Variants in SAMMSON observed in about 807,000 individuals in gnomAD.
The protein encoded by SAMMSON is long intergenic non-protein coding RNA 1212.
At chr3:70,030,899 A>G (rs949568639) in intron 3 of SAMMSON, among the ~76,000 whole-genome samples, 2 of 152,198 alleles carry the variant, frequency 1.3e-5, no homozygotes, top group Admixed American at 6.5e-5. Flanking sequence ...GAAAATAACA[A>G]TTGTTGGCAA....
chr3:70,072,646 G>GAAAAAAAAAAAAAAAAAAAAAA (rs35807309), intron 4 of SAMMSON: 4 of 87,690 alleles, frequency 4.6e-5, no homozygotes, highest in Non-Finnish European at 6.8e-5. Flanking sequence ...AACAGCAAAG[G>GAAAAAAAAAAAAAAAAAAAAAA]AAAAAAAAAA....
intron 2 of SAMMSON, among the ~76,000 whole-genome samples, chr3:70,400,285 G>T (rs1000998439): frequency 2.0e-5 from 3 of 152,134 alleles, no homozygotes. Context: ...AGAAGATGGG[G>T]CCTAGTGGGA....
intron 3 of SAMMSON, among the ~76,000 whole-genome samples, chr3:70,044,748 C>T (rs2107587423): frequency 6.6e-6 from 1 of 150,578 alleles, no homozygotes; most frequent in East Asian, 2.0e-4. Flanking sequence ...GATATACTTA[C>T]AATATATATT....
Position 70,206,477 on chromosome 3 carries a change from CT to C in SAMMSON, n.508-42621del, listed in dbSNP as rs994240384. On this transcript the variant is annotated intron_variant and non_coding_transcript_variant, in intron 4 of 9. Coordinates refer to ENST00000642114, the Ensembl canonical transcript of SAMMSON. ...TCTTCGTGTTTAATATTCATAAGGA[CT>C]TTTTTTTTCCTAACAGCATATGTGA... The C allele has an allele frequency of 1.8e-4, 72 of 392,518 alleles. No individual in the cohort carries two copies. The Admixed American group carries it at 1.9e-3, about 10-fold the overall frequency. 24.3% of individuals were successfully genotyped at this position (392,518 alleles called of 1,614,324 possible).
At chr3:70,099,998 C>G (rs2067336554) in intron 4 of SAMMSON, among the ~76,000 whole-genome samples, 1 of 152,166 alleles carries the variant, frequency 6.6e-6, no homozygotes, top group Non-Finnish European at 1.5e-5. Flanking sequence ...TTTGGTGAAG[C>G]CTTCCTGAAT....
At chr3:70,099,418 C>T (rs1411872809) in intron 4 of SAMMSON, among the ~76,000 whole-genome samples, 1 of 152,074 alleles carries the variant, frequency 6.6e-6, no homozygotes, top group Non-Finnish European at 1.5e-5. Flanking sequence ...TTAAATGACA[C>T]TTCATTGTGT....
chr3:70,040,083 G>T (rs1353830435), intron 3 of SAMMSON, among the ~76,000 whole-genome samples: 1 of 152,044 alleles, frequency 6.6e-6, no homozygotes. Flanking sequence ...TGAAATTCCA[G>T]CTCCCTACTT....
rs1702704320 is a variant in SAMMSON, at chr3:70,340,562, C to T, written n.740-13613C>T. ...AATATGATTTATGCTGTATGCCTGC[C>T]TTCCTTCAGGGAACATGGGATTTTA... On this transcript the variant is annotated intron_variant and non_coding_transcript_variant, in intron 7 of 9. Transcript: ENST00000642114. 2.0e-5 allele frequency among the ~76,000 whole-genome samples: 3 copies of T among 152,018 alleles called. No individual in the cohort carries two copies. In the South Asian group the frequency reaches 6.2e-4, roughly 32 times the overall value.
chr3:70,239,291 A>C (rs1701642428), intron 4 of SAMMSON, among the ~76,000 whole-genome samples: 2 of 142,128 alleles, frequency 1.4e-5, no homozygotes, highest in African/African-American at 5.0e-5. Flanking sequence ...AATGGTTTTC[A>C]CAGTTTCTTT....
At chr3:70,150,147 A>G (rs753460837) in intron 4 of SAMMSON, among the ~76,000 whole-genome samples, 1 of 152,066 alleles carries the variant, frequency 6.6e-6, no homozygotes, top group Non-Finnish European at 1.5e-5. Context: ...TTTCGAACCA[A>G]AAGTATGTCT....
chr3:70,168,532 A>G (rs2067647065), intron 4 of SAMMSON, among the ~76,000 whole-genome samples: 1 of 152,022 alleles, frequency 6.6e-6, no homozygotes, highest in African/African-American at 2.4e-5. Flanking sequence ...AGCAGCAGAA[A>G]AGGTTAGCTC....
intron 2 of SAMMSON, among the ~76,000 whole-genome samples, chr3:70,427,553 C>T (rs906911665): frequency 2.6e-5 from 4 of 151,998 alleles, no homozygotes; most frequent in African/African-American, 9.7e-5. Context: ...TCCTGGCTGA[C>T]ACGGTGAAAC....
intron 4 of SAMMSON, among the ~76,000 whole-genome samples, chr3:70,159,125 C>A (rs563894920): frequency 6.6e-6 from 1 of 151,456 alleles, no homozygotes; most frequent in African/African-American, 2.4e-5. Context: ...TTTTTGATAC[C>A]CAAAATATAT....
At chr3:70,043,240 A>G (rs983614799) in intron 3 of SAMMSON, among the ~76,000 whole-genome samples, 9 of 152,082 alleles carry the variant, frequency 5.9e-5, no homozygotes, top group Non-Finnish European at 7.4e-5. Flanking sequence ...CATCCTTGAG[A>G]AGGAACCACC....
intron 7 of SAMMSON, among the ~76,000 whole-genome samples, chr3:70,336,844 G>T (rs868257910): frequency 1.3e-5 from 2 of 149,504 alleles, no homozygotes; most frequent in South Asian, 2.1e-4. Flanking sequence ...GTGTGTGTGT[G>T]TGTGTGTGTG....
intron 4 of SAMMSON, chr3:70,126,090 C>T (rs1379506993): frequency 4.1e-6 from 5 of 1,223,452 alleles, no homozygotes; most frequent in Non-Finnish European, 5.8e-6. Context: ...GCACGCTTGC[C>T]AAAGCATTTA....
chr3:70,237,126 G>A (rs537212538), intron 4 of SAMMSON, among the ~76,000 whole-genome samples: 3 of 152,096 alleles, frequency 2.0e-5, no homozygotes, highest in Non-Finnish European at 2.9e-5. Context: ...ATTCATTCTC[G>A]AACATTTGCA....
At chr3:70,004,757 G>A (rs1452732052) in intron 1 of SAMMSON, among the ~76,000 whole-genome samples, 4 of 151,648 alleles carry the variant, frequency 2.6e-5, no homozygotes, top group Non-Finnish European at 4.4e-5. Context: ...CATTACACAG[G>A]CAGTGAGTTC....
chr3:70,327,925 C>G (rs781746372), intron 7 of SAMMSON, among the ~76,000 whole-genome samples: 2 of 152,186 alleles, frequency 1.3e-5, no homozygotes, highest in Non-Finnish European at 2.9e-5. Flanking sequence ...AGTCCGTTTT[C>G]ACACTGCTGA....
Sources: allele counts gnomAD v4.1 joint callset (sites outside exome capture counted in the v4.1 genomes callset), GRCh38; gene constraint gnomAD v4.1.1; transcripts MANE v1.5; gene names NCBI Gene and HGNC (gene_info 2026-07-23, HGNC 2026-07-21).